The following EYS variants were observed in gnomAD, a reference collection of about 807,000 sequenced individuals.
EYS encodes the protein EGF-like photoreceptor maintenance factor.
Under a neutral mutation model 282.1 loss-of-function variants are expected in EYS, and 250 were observed. The observed-to-expected ratio is 0.89, with a 90% CI of 0.80 to 0.98. The LOEUF (loss-of-function observed/expected upper bound fraction) is 0.98. EYS is among the 50% of genes least tolerant of loss of function. EYS has a pLI of 0.00. For synonymous variants in EYS, 1,355 were observed against 1,282.9 expected, an observed-to-expected ratio of 1.06 and a Z score of -1.20; for missense variants, 4,016 against 3,709.0, an observed-to-expected ratio of 1.08 and a Z score of -2.15.
At chr6:64,087,781 C>G (rs1772206484) in intron 31 of EYS, among the ~76,000 whole-genome samples, 1 of 151,846 alleles carries the variant, frequency 6.6e-6, no homozygotes, top group African/African-American at 2.4e-5. Context: ...GATAAGTCCA[C>G]CAGAAAATGT....
At chr6:65,452,017 A>G (rs952841455) in intron 5 of EYS, among the ~76,000 whole-genome samples, 11 of 151,858 alleles carry the variant, frequency 7.2e-5, no homozygotes, top group African/African-American at 2.6e-4. Context: ...GAGAAGTTTT[A>G]CTAATCTTAA....
intron 41 of EYS, among the ~76,000 whole-genome samples, chr6:63,738,333 A>C (rs1045145194): frequency 6.6e-6 from 1 of 152,156 alleles, no homozygotes; most frequent in African/African-American, 2.4e-5. Flanking sequence ...ACTTGGAACC[A>C]ACACAAATGT....
chr6:65,077,302 A>G (rs1203436887), intron 12 of EYS, among the ~76,000 whole-genome samples: 12 of 152,096 alleles, frequency 7.9e-5, no homozygotes, highest in South Asian at 2.1e-4. Flanking sequence ...TGCATTTACA[A>G]GATAGCTGCT....
intron 12 of EYS, among the ~76,000 whole-genome samples, chr6:65,266,098 A>G (rs889299001): frequency 2.0e-5 from 3 of 152,008 alleles, no homozygotes; most frequent in Non-Finnish European, 4.4e-5. Context: ...TACTATATCC[A>G]AGTTGATAAT....
intron 35 of EYS, among the ~76,000 whole-genome samples, chr6:63,914,381 G>T (rs1764363674): frequency 6.6e-6 from 1 of 152,036 alleles, no homozygotes; most frequent in Non-Finnish European, 1.5e-5. Flanking sequence ...ATTCTTGAAG[G>T]GAATTTAAAA....
intron 26 of EYS, among the ~76,000 whole-genome samples, chr6:64,559,090 G>A (rs1325605059): frequency 6.6e-6 from 1 of 151,998 alleles, no homozygotes; most frequent in Admixed American, 6.6e-5. Flanking sequence ...TTATGACATG[G>A]TCTAATCTCC....
intron 22 of EYS, among the ~76,000 whole-genome samples, chr6:64,798,607 G>GTTTTTTTTTT (rs57597318): frequency 9.4e-6 from 1 of 106,806 alleles, no homozygotes; most frequent in Non-Finnish European, 1.9e-5. Flanking sequence ...TTTGTTTCTG[G>GTTTTTTTTTT]TTTTTTTTTT....
chr6:63,874,676 A>G (rs1772916860), intron 35 of EYS, among the ~76,000 whole-genome samples: 1 of 152,068 alleles, frequency 6.6e-6, no homozygotes, highest in Non-Finnish European at 1.5e-5. Context: ...CTCCTTGAAG[A>G]GGTCCTTCAC....
chr6:65,473,776 G>A (rs968817673), intron 5 of EYS, among the ~76,000 whole-genome samples: 1 of 147,558 alleles, frequency 6.8e-6, no homozygotes, highest in Non-Finnish European at 1.5e-5. Flanking sequence ...AACTTCAAAA[G>A]AAATATTTTC....
At chr6:65,653,873 T>A (rs116193707) in intron 1 of EYS, among the ~76,000 whole-genome samples, 1 of 152,018 alleles carries the variant, frequency 6.6e-6, no homozygotes, top group African/African-American at 2.4e-5. Flanking sequence ...GTGTCATCTA[T>A]AAGGACATAG....
intron 29 of EYS, among the ~76,000 whole-genome samples, chr6:64,344,026 T>C (rs939343315): frequency 5.9e-5 from 9 of 152,258 alleles, no homozygotes; most frequent in African/African-American, 1.9e-4. Context: ...AATCTCTGAA[T>C]AGACCAATAA....
chr6:64,527,287 G>C (rs1382139258), intron 26 of EYS, among the ~76,000 whole-genome samples: 1 of 151,696 alleles, frequency 6.6e-6, no homozygotes, highest in Non-Finnish European at 1.5e-5. Context: ...AACCAAAACA[G>C]GAATAGAAAA....
At chr6:63,893,973 G>A (rs1012635945) in intron 35 of EYS, among the ~76,000 whole-genome samples, 4 of 152,134 alleles carry the variant, frequency 2.6e-5, no homozygotes, top group African/African-American at 9.7e-5. Context: ...GGTTGAGGGG[G>A]GCTTACGCAT....
At position 65,388,574 on chromosome 6, in the gene EYS, G is replaced by A. The variant is rs113331170; in HGVS notation, c.1185-4074C>T. Reference sequence around the variant, plus strand: ...AGAAAAGGGAAAGGCAAATACCAAGGATTGAAGCAAGAGGTCCTTGAGATA... The same window carrying A: ...AGAAAAGGGAAAGGCAAATACCAAGAATTGAAGCAAGAGGTCCTTGAGATA... On this transcript the variant is annotated intron_variant, in intron 7 of 42. Transcript: ENST00000503581. 4.9e-3 allele frequency among the ~76,000 whole-genome samples: 741 copies of A among 152,072 alleles called. 7 individuals are homozygous for A. Among genetic ancestry groups the A allele is most frequent in the African/African-American group, 0.017 (693 of 41,506 alleles).
chr6:63,789,526 T>C (rs1164922988), intron 37 of EYS, among the ~76,000 whole-genome samples: 4 of 152,146 alleles, frequency 2.6e-5, no homozygotes, highest in African/African-American at 7.2e-5. Flanking sequence ...TGAAATTCAG[T>C]GTGCACTTTA....
At chr6:65,668,087 T>C (rs1340911815) in intron 1 of EYS, among the ~76,000 whole-genome samples, 1 of 151,874 alleles carries the variant, frequency 6.6e-6, no homozygotes, top group Non-Finnish European at 1.5e-5. Context: ...TCCATAAGTT[T>C]CATATTTGGC....
chr6:64,477,800 C>T (rs984019832), intron 26 of EYS, among the ~76,000 whole-genome samples: 4 of 151,754 alleles, frequency 2.6e-5, no homozygotes, highest in South Asian at 2.1e-4. Context: ...TTTAAAAATA[C>T]GTGGTTTGAA....
chr6:65,371,026 TG>T, intron 8 of EYS, among the ~76,000 whole-genome samples: 1 of 151,782 alleles, frequency 6.6e-6, no homozygotes, highest in African/African-American at 2.4e-5. Flanking sequence ...AAAGTGGAGA[TG>T]ACACATATGG....
At chr6:65,402,024 G>C (rs908723813) in intron 7 of EYS, among the ~76,000 whole-genome samples, 1 of 151,802 alleles carries the variant, frequency 6.6e-6, no homozygotes, top group Non-Finnish European at 1.5e-5. Flanking sequence ...AAGAAAGAAT[G>C]AATTCCTAAA....
Sources: gnomAD v4.1 joint callset for allele counts (sites outside exome capture counted in the v4.1 genomes callset) on GRCh38, gnomAD v4.1.1 for gene constraint, MANE v1.5 for transcripts, NCBI Gene and HGNC (gene_info 2026-07-23, HGNC 2026-07-21) for gene names.